The following MAML3 variants were observed in gnomAD, a reference collection of about 807,000 sequenced individuals.
MAML3 encodes mastermind like transcriptional coactivator 3, also known as mastermind-like protein 3.
Under a neutral mutation model 101.9 loss-of-function variants are expected in MAML3, and 27 were observed. That is an observed-to-expected ratio of 0.27 (90% CI 0.20 to 0.37). The LOEUF is 0.37. Among genes scored for constraint, MAML3 ranks in the 10% least tolerant of loss-of-function variants. The pLI is 1.00. For synonymous variants in MAML3, 501 were observed against 555.9 expected (o/e 0.90, Z 1.39); for missense variants, 1,316 against 1,444.9 (o/e 0.91, Z 1.45).
chr4:139,866,988 T>C (rs1341059139), intron 2 of MAML3, among the ~76,000 whole-genome samples: 1 of 152,212 alleles, frequency 6.6e-6, no homozygotes, highest in Admixed American at 6.5e-5. Flanking sequence ...CACCACCTTA[T>C]TAGGCACATA....
chr4:139,905,477 G>A (rs1732806259), intron 1 of MAML3, among the ~76,000 whole-genome samples: 1 of 69,500 alleles, frequency 1.4e-5, no homozygotes, highest in African/African-American at 4.0e-5. Flanking sequence ...GGGCGGCAGA[G>A]CAAGACTCTG....
At chr4:140,021,220 T>C (rs2110876490) in intron 1 of MAML3, among the ~76,000 whole-genome samples, 1 of 152,352 alleles carries the variant, frequency 6.6e-6, no homozygotes, top group South Asian at 2.1e-4. Context: ...AAGCTCTGAA[T>C]CCCAGTTTAA....
At chr4:139,764,448 G>A (rs1385895760) in intron 2 of MAML3, among the ~76,000 whole-genome samples, 1 of 152,146 alleles carries the variant, frequency 6.6e-6, no homozygotes, top group Non-Finnish European at 1.5e-5. Context: ...TTCCCGAATG[G>A]CCATTAGGTC....
At chr4:140,006,041 C>T (rs1242892620) in intron 1 of MAML3, among the ~76,000 whole-genome samples, 5 of 152,132 alleles carry the variant, frequency 3.3e-5, no homozygotes, top group South Asian at 2.1e-4. Context: ...CCTTGAATTT[C>T]GGGGGTTCTA....
At chr4:139,898,464 A>G (rs1014774906) in intron 1 of MAML3, among the ~76,000 whole-genome samples, 8 of 152,230 alleles carry the variant, frequency 5.3e-5, no homozygotes, top group Non-Finnish European at 1.0e-4. Context: ...TGTAAACCCC[A>G]AACGCTGCTT....
chr4:140,011,715 C>T (rs906528006), intron 1 of MAML3, among the ~76,000 whole-genome samples: 28 of 152,082 alleles, frequency 1.8e-4, no homozygotes, highest in Non-Finnish European at 2.9e-4. Flanking sequence ...TTTACTATTG[C>T]TTCAGGTTTG....
At chr4:140,000,664 C>A (rs191256700) in intron 1 of MAML3, among the ~76,000 whole-genome samples, 1 of 152,226 alleles carries the variant, frequency 6.6e-6, no homozygotes, top group East Asian at 1.9e-4. Context: ...CGGTGGGGAA[C>A]GGGACAAAGA....
At chr4:139,963,538 T>A (rs1420555947) in intron 1 of MAML3, among the ~76,000 whole-genome samples, 1 of 152,176 alleles carries the variant, frequency 6.6e-6, no homozygotes, top group East Asian at 1.9e-4. Flanking sequence ...AACAAACAGA[T>A]ACTCACTTTC....
chr4:140,100,754 G>A (rs188540379), intron 1 of MAML3, among the ~76,000 whole-genome samples: 6 of 152,266 alleles, frequency 3.9e-5, no homozygotes, highest in South Asian at 4.1e-4. Context: ...ATGGACAGAT[G>A]TGTCTATTCC....
Position 139,854,783 on chromosome 4 carries a change from C to T in MAML3, c.2079+34574G>A, listed in dbSNP as rs533208516. ...AAGGCCTGCTCTTTGTTGCAGAACACGGTGGTGGGGACTCAGGTCATCTGG... is the reference window on the plus strand; with the variant it reads ...AAGGCCTGCTCTTTGTTGCAGAACATGGTGGTGGGGACTCAGGTCATCTGG... On this transcript the variant is annotated intron_variant, in intron 2 of 4. Coordinates refer to ENST00000509479, the MANE Select transcript of MAML3 (RefSeq NM_018717.5). 9.9e-5 allele frequency among the ~76,000 whole-genome samples: 15 copies of T among 152,240 alleles called. No homozygotes were observed. In the South Asian group the frequency reaches 3.1e-3, roughly 32 times the overall value.
intron 1 of MAML3, among the ~76,000 whole-genome samples, chr4:139,939,398 G>A (rs1733559472): frequency 3.3e-5 from 5 of 151,996 alleles, no homozygotes; most frequent in Admixed American, 3.3e-4. Context: ...ACTGCCTGAG[G>A]CCCAATCTTC....
At chr4:140,050,595 C>T (rs1727252096) in intron 1 of MAML3, among the ~76,000 whole-genome samples, 1 of 152,178 alleles carries the variant, frequency 6.6e-6, no homozygotes, top group East Asian at 1.9e-4. Context: ...CCACTGAACA[C>T]ATTTCTCTCT....
intron 1 of MAML3, among the ~76,000 whole-genome samples, chr4:139,971,061 C>G (rs1385675705): frequency 6.6e-6 from 1 of 152,136 alleles, no homozygotes; most frequent in African/African-American, 2.4e-5. Flanking sequence ...TATTAAGGAC[C>G]GAGGGGTTAG....
chr4:140,150,249 A>G (rs1395472263), intron 1 of MAML3, among the ~76,000 whole-genome samples: 1 of 152,216 alleles, frequency 6.6e-6, no homozygotes, highest in African/African-American at 2.4e-5. Context: ...GTCTCTGTCT[A>G]TTGAAGCAAG....
intron 1 of MAML3, among the ~76,000 whole-genome samples, chr4:140,113,006 C>T (rs1728461177): frequency 6.6e-6 from 1 of 152,088 alleles, no homozygotes; most frequent in South Asian, 2.1e-4. Context: ...ACTGTCCGGG[C>T]GCAGTGGCTC....
chr4:139,867,594 A>G (rs1189138702), intron 2 of MAML3, among the ~76,000 whole-genome samples: 1 of 152,278 alleles, frequency 6.6e-6, no homozygotes, highest in Non-Finnish European at 1.5e-5. Context: ...GTTGTTAAAC[A>G]TCAAATGTGA....
At chr4:140,037,780 T>C (rs1456078881) in intron 1 of MAML3, among the ~76,000 whole-genome samples, 1 of 152,260 alleles carries the variant, frequency 6.6e-6, no homozygotes, top group Admixed American at 6.5e-5. Flanking sequence ...TGTTAAACTG[T>C]ACTTTTCAGA....
chr4:140,065,297 T>TC (rs1359197111), intron 1 of MAML3, among the ~76,000 whole-genome samples: 9 of 152,010 alleles, frequency 5.9e-5, no homozygotes, highest in Non-Finnish European at 1.5e-5. Flanking sequence ...TTTTTTTTTT[T>TC]CCCCGAGAAA....
intron 1 of MAML3, among the ~76,000 whole-genome samples, chr4:140,042,198 T>C (rs1424365051): frequency 6.6e-6 from 1 of 152,214 alleles, no homozygotes; most frequent in Non-Finnish European, 1.5e-5. Flanking sequence ...GATGTGTGAA[T>C]AAGTGAATGA....
Sources: gnomAD v4.1 joint callset for allele counts (sites outside exome capture counted in the v4.1 genomes callset) on GRCh38, gnomAD v4.1.1 for gene constraint, MANE v1.5 for transcripts, NCBI Gene and HGNC (gene_info 2026-07-23, HGNC 2026-07-21) for gene names.